The following VWA8 variants were observed in gnomAD, a reference collection of about 807,000 sequenced individuals.
VWA8 encodes von Willebrand factor A domain-containing protein 8.
In VWA8, 221 loss-of-function variants were observed where a neutral mutation model predicts 241.5. The ratio of observed to expected loss-of-function variants is 0.91; its 90% CI spans 0.82 to 1.02. VWA8 has a LOEUF of 1.02. Ranked by LOEUF, VWA8 falls within the 50% of genes least tolerant of loss-of-function variation. VWA8 has a pLI of 0.00. For missense variants in VWA8, 2,322 were observed against 2,328.7 expected (o/e 1.00, Z 0.06); for synonymous variants, 852 against 827.1 (o/e 1.03, Z -0.52).
intron 37 of VWA8, among the ~76,000 whole-genome samples, chr13:41,640,222 T>C (rs1217329611): frequency 2.0e-5 from 3 of 152,238 alleles, no homozygotes; most frequent in Non-Finnish European, 4.4e-5. Context: ...GTCAGTGTTT[T>C]TAGCAGGAGC....
intron 20 of VWA8, among the ~76,000 whole-genome samples, chr13:41,770,812 T>C (rs373404113): frequency 6.9e-6 from 1 of 145,746 alleles, no homozygotes; most frequent in East Asian, 2.0e-4. Flanking sequence ...GGGCAAAAAA[T>C]ATGGATGGGA....
intron 29 of VWA8, 130 bp downstream of exon 29, chr13:41,698,941 C>T (rs2045231758): frequency 2.4e-6 from 3 of 1,255,480 alleles, no homozygotes; most frequent in Non-Finnish European, 3.4e-6. Context: ...TAAAATGCAA[C>T]TCCTGACCCA....
chr13:41,800,425 AC>A (rs1488327505), intron 17 of VWA8, among the ~76,000 whole-genome samples: 1 of 152,070 alleles, frequency 6.6e-6, no homozygotes, highest in Non-Finnish European at 1.5e-5. Flanking sequence ...TATGGGGAGG[AC>A]ATCTAGCTCA....
chr13:41,724,576 G>C (rs1043722684), intron 24 of VWA8, among the ~76,000 whole-genome samples: 1 of 152,182 alleles, frequency 6.6e-6, no homozygotes, highest in African/African-American at 2.4e-5. Flanking sequence ...GGAAAGCAGG[G>C]CATCATAGGT....
chr13:41,914,184 C>T (rs1876145864), intron 2 of VWA8, among the ~76,000 whole-genome samples: 1 of 152,188 alleles, frequency 6.6e-6, no homozygotes, highest in Admixed American at 6.5e-5. Context: ...CAAAGTGAGA[C>T]TCCATCTCTA....
At chr13:41,771,672 A>G (rs901807629) in intron 20 of VWA8, among the ~76,000 whole-genome samples, 2 of 152,066 alleles carry the variant, frequency 1.3e-5, no homozygotes, top group African/African-American at 2.4e-5. Context: ...TCTGCCTCCC[A>G]TACTCAAGCA....
At chr13:41,957,843 C>T (rs533172403) in intron 1 of VWA8, among the ~76,000 whole-genome samples, 4 of 152,044 alleles carry the variant, frequency 2.6e-5, no homozygotes, top group South Asian at 4.2e-4. Context: ...ATAATAATGG[C>T]GTTAAAGGAA....
chr13:41,786,563 A>G (rs1869198075), intron 18 of VWA8, among the ~76,000 whole-genome samples: 1 of 152,164 alleles, frequency 6.6e-6, no homozygotes, highest in Admixed American at 6.6e-5. Context: ...TGGATATTTA[A>G]TAGACTCACT....
intron 4 of VWA8, among the ~76,000 whole-genome samples, chr13:41,898,099 G>A (rs1875215520): frequency 6.6e-6 from 1 of 152,086 alleles, no homozygotes; most frequent in Non-Finnish European, 1.5e-5. Context: ...CACAAACCCT[G>A]AGCTAGACAC....
At chr13:41,735,536 AGTAT>A (rs2045518058) in intron 21 of VWA8, among the ~76,000 whole-genome samples, 1 of 152,172 alleles carries the variant, frequency 6.6e-6, no homozygotes, top group Admixed American at 6.5e-5. Context: ...TTAGTGGAGT[AGTAT>A]GTGAGAAAGA....
chr13:41,699,145 C>T lies in VWA8; in HGVS notation c.3490G>A (p.Val1164Ile), dbSNP rs754745859. 15 of 1,613,990 alleles carry T rather than the reference C, an allele frequency of 9.3e-6. No homozygotes were observed. Among genetic ancestry groups the T allele is most frequent in the South Asian group, 2.2e-5 (2 of 91,080 alleles). Residue 1164 changes from valine to isoleucine, a missense_variant, in exon 29 of 45, where the codon GTT (valine) becomes ATT (isoleucine). Val to Ile is a conservative substitution (Grantham distance 29, BLOSUM62 3). Transcript: ENST00000379310. ...GCCACTGTCACAAAAGGGTGCCAAA[C>T]GCCATTGGCTGTTCTTGGGAAGATA... ...FDIFPRTANG[V>I]WHPFVTVAPL...
At chr13:41,925,507 C>A (rs1876788415) in intron 2 of VWA8, 1 of 152,780 alleles carries the variant, frequency 6.5e-6, no homozygotes, top group Admixed American at 6.5e-5. Context: ...GCGTAAAAGT[C>A]TAGAGTTTTT....
At chr13:41,596,791 ACAC>A (rs2044491321) in intron 40 of VWA8, among the ~76,000 whole-genome samples, 2 of 38,298 alleles carry the variant, frequency 5.2e-5, no homozygotes, top group African/African-American at 1.6e-4. Context: ...CAGAAAGTAC[ACAC>A]ACACACACAC....
chr13:41,741,838 T>A (rs1386861462), intron 21 of VWA8, among the ~76,000 whole-genome samples: 2 of 152,080 alleles, frequency 1.3e-5, no homozygotes, highest in Non-Finnish European at 2.9e-5. Flanking sequence ...GGCAATTAAA[T>A]TAAATTCATG....
At chr13:41,664,411 G>A (rs1329845555) in intron 37 of VWA8, among the ~76,000 whole-genome samples, 2 of 151,580 alleles carry the variant, frequency 1.3e-5, no homozygotes, top group African/African-American at 4.8e-5. Context: ...GTGTGTGTGT[G>A]TGTGTGTGTG....
At chr13:41,689,022 T>C (rs1261661667) in intron 34 of VWA8, among the ~76,000 whole-genome samples, 1 of 151,658 alleles carries the variant, frequency 6.6e-6, no homozygotes, top group Non-Finnish European at 1.5e-5. Context: ...GAAAAATAAT[T>C]AACTTTAAAA....
intron 26 of VWA8, among the ~76,000 whole-genome samples, chr13:41,711,659 G>A (rs1282834796): frequency 1.1e-4 from 17 of 152,174 alleles, no homozygotes; most frequent in Non-Finnish European, 1.3e-4. Flanking sequence ...CAGATCACGA[G>A]GTCAGGAGAT....
intron 16 of VWA8, among the ~76,000 whole-genome samples, chr13:41,815,825 A>G (rs1191599526): frequency 5.9e-5 from 9 of 152,244 alleles, no homozygotes; most frequent in Admixed American, 5.2e-4. Flanking sequence ...AGGATATAAT[A>G]TTCCAGGAGA....
chr13:41,582,429 A>G (rs2044388892), intron 42 of VWA8, among the ~76,000 whole-genome samples: 1 of 152,154 alleles, frequency 6.6e-6, no homozygotes, highest in Admixed American at 6.5e-5. Flanking sequence ...GAAGGTTTCA[A>G]AGCAAATACA....
Sources: allele counts gnomAD v4.1 joint callset (sites outside exome capture counted in the v4.1 genomes callset), GRCh38; gene constraint gnomAD v4.1.1; transcripts MANE v1.5; gene names NCBI Gene and HGNC (gene_info 2026-07-23, HGNC 2026-07-21).